MGAM: variants seen among roughly 807,000 people sequenced by gnomAD.
MGAM encodes the protein alpha-1,4-glucosidase.
A neutral mutation model predicts 358.8 loss-of-function variants in MGAM; 253 were observed. That is an observed-to-expected ratio of 0.71 (90% CI 0.64 to 0.78). The LOEUF is 0.78. MGAM is among the 30% of genes least tolerant of loss of function. The pLI is 0.00. For missense variants in MGAM, 3,080 were observed against 3,432.6 expected (o/e 0.90, Z 2.57); for synonymous variants, 1,105 against 1,227.1 (o/e 0.90, Z 2.08).
intron 42 of MGAM, among the ~76,000 whole-genome samples, chr7:142,067,956 AT>A (rs1812940144): frequency 8.4e-5 from 3 of 35,644 alleles, no homozygotes; most frequent in African/African-American, 2.3e-4. Flanking sequence ...ATATATATAT[AT>A]ATATATAAAT....
Position 142,009,578 on chromosome 7 carries a change from T to G in MGAM, c.327+873T>G, listed in dbSNP as rs566905700. Among the ~76,000 whole-genome samples, 39 of 152,308 alleles carry G rather than the reference T, an allele frequency of 2.6e-4. 1 individual carries two copies. In the South Asian group the frequency reaches 7.5e-3, roughly 29 times the overall value. On this transcript the variant is annotated intron_variant, in intron 3 of 70. Coordinates refer to ENST00000475668, the MANE Select transcript of MGAM (RefSeq NM_001365693.1). ...TGCACTTCAGATACAGCCATAGTAA[T>G]GTTTCTTTGGTGCTTTATTGTAAGA...
rs28412172 is a variant in MGAM, at chr7:142,067,252, C to T, written c.4920-89C>T. ...GATGGCTCAGGGGCAGCTGTATTTC[C>T]GACTTGGATCTGAACTTGAGGAGCT... is the stretch of plus-strand genomic sequence containing the variant. On this transcript the variant is annotated intron_variant, in intron 41 of 70. Coordinates refer to ENST00000475668, the MANE Select transcript of MGAM (RefSeq NM_001365693.1). 1.6e-3 allele frequency: 1,778 copies of T among 1,084,180 alleles called. 109 individuals carry two copies. In the African/African-American group the frequency reaches 0.019, roughly 12 times the overall value. The allele number at this position is 1,084,180 out of a possible 1,614,324, so 67.2% of individuals were successfully genotyped here. A position where few individuals can be genotyped will look rare whatever the true frequency, so the allele number is the denominator to read the frequency against.
At position 142,070,990 on chromosome 7, in the gene MGAM, C is replaced by G. The variant is rs374658095; in HGVS notation, c.5062-4C>G. On this transcript the variant is annotated splice_polypyrimidine_tract_variant and splice_region_variant and intron_variant, in intron 43 of 70. Transcript: ENST00000475668. ...CATCATCTTTTACCTTCTTCTGCCC[C>G]CAGGGTGTGGATATTAATGCAAGAG... The G allele has an allele frequency of 2.6e-6, 4 of 1,555,990 alleles. 1 individual carries two copies. In the Admixed American group the frequency reaches 5.1e-5, roughly 20 times the overall value.
rs1810518504 is a variant in MGAM at position 142,047,712 on chromosome 7, T to C, written c.2499-73T>C. On this transcript the variant is annotated intron_variant, in intron 21 of 70. Coordinates refer to ENST00000475668, the MANE Select transcript of MGAM (RefSeq NM_001365693.1). The stretch of plus-strand genomic sequence containing the variant: ...GTAACTTTTCCAATTTGAAATTTGA[T>C]GGAAATATTCTCAGCTCGGCTGGCA... 6 of 1,386,596 alleles carry C rather than the reference T, an allele frequency of 4.3e-6. No individual in the cohort carries two copies. The East Asian group carries it at 1.2e-4, about 27-fold the overall frequency. The allele number at this position is 1,386,596 out of a possible 1,614,324, so 85.9% of individuals were successfully genotyped here.
chr7:142,060,852 C>T (rs1812112861), intron 34 of MGAM, among the ~76,000 whole-genome samples: 1 of 152,056 alleles, frequency 6.6e-6, no homozygotes, highest in Non-Finnish European at 1.5e-5. Context: ...GTGTCTCCAT[C>T]TTCATACTTA....
At chr7:142,054,238 G>A (rs1361137943) in intron 26 of MGAM, among the ~76,000 whole-genome samples, 2 of 152,170 alleles carry the variant, frequency 1.3e-5, no homozygotes, top group South Asian at 2.1e-4. Flanking sequence ...TTATTCGCAT[G>A]TGAATTTCGT....
chr7:142,066,989 C>T (rs1315121765), intron 41 of MGAM, among the ~76,000 whole-genome samples: 1 of 146,114 alleles, frequency 6.8e-6, no homozygotes, highest in Admixed American at 6.9e-5. Flanking sequence ...GTGCAAAGGC[C>T]TATCTTATGT....
intron 28 of MGAM, 69 bp downstream of exon 28, chr7:142,055,795 C>T (rs1237294079): frequency 6.9e-6 from 11 of 1,595,240 alleles, no homozygotes; most frequent in Non-Finnish European, 9.4e-6. Flanking sequence ...CTTTGGGCTT[C>T]ATCTTCCCAA....
chr7:142,059,390 C>T (rs1811872812), intron 31 of MGAM, 82 bp from the exon 32 acceptor site: 1 of 1,540,266 alleles, frequency 6.5e-7, no homozygotes, highest in African/African-American at 1.4e-5. Flanking sequence ...TGGAATTCCA[C>T]CATGGGTGGT....
rs373533169 is a variant in MGAM, at chr7:142,034,857, A to G, written c.1959+16A>G. On this transcript the variant is annotated intron_variant, in intron 16 of 70. Coordinates refer to ENST00000475668, the MANE Select transcript of MGAM (RefSeq NM_001365693.1). ...CATCCCAATGGTGAGCTGCTACCTC[A>G]AGCTCTCTTATGAACCTGAATTCCC... 22 of 1,603,558 alleles carry G rather than the reference A, an allele frequency of 1.4e-5. No homozygotes were observed. The African/African-American group carries it at 2.5e-4, about 19-fold the overall frequency.
rs1001623928 is a variant in MGAM at position 142,103,303 on chromosome 7, A to T, written c.8048A>T (p.Tyr2683Phe). Residue 2683 changes from tyrosine to phenylalanine, a missense_variant, in exon 70 of 71, where the codon TAC (tyrosine) becomes TTC (phenylalanine). Physicochemically the swap from Tyr to Phe is conservative, Grantham distance 22. Coordinates refer to ENST00000475668, the MANE Select transcript of MGAM (RefSeq NM_001365693.1). ...TMQSHIIFNN[Y>F]ITGTNPLKLG... Reference sequence around the variant, plus strand: ...CAAAGCCATATAATTTTCAACAATTACATCACTGGTACAAATCCTTTGAAA... The same window carrying T: ...CAAAGCCATATAATTTTCAACAATTTCATCACTGGTACAAATCCTTTGAAA... 3 of 1,611,456 alleles carry T rather than the reference A, an allele frequency of 1.9e-6. No individual in the cohort carries two copies. The highest frequency in any genetic ancestry group is 1.3e-5 in the African/African-American group (1 of 74,824).
Position 142,080,938 on chromosome 7 carries a change from A to G in MGAM, c.5995A>G (p.Thr1999Ala), listed in dbSNP as rs778285181. The change falls in exon 50 of 71, where the codon ACT becomes GCT. Residue 1999 changes from threonine to alanine, a missense_variant. Around this residue, in one of 5 missense-constraint regions of MGAM, gnomAD observed 932 missense variants for 1,198.2 expected, o/e 0.78. Coordinates refer to ENST00000475668, the MANE Select transcript of MGAM (RefSeq NM_001365693.1). The stretch of plus-strand genomic sequence containing the variant: ...TGAAATTCGCCGGAAGAGTACAGGC[A>G]CTATAATGTGAGTGGCTTCTAGTGT... Reference protein sequence around the residue: ...GIEIRRKSTGTIIWDSQLLGF... With the variant: ...GIEIRRKSTGAIIWDSQLLGF... The G allele has an allele frequency of 1.9e-6, 3 of 1,553,926 alleles. No homozygotes were observed. The highest frequency in any genetic ancestry group is 2.7e-6 in the Non-Finnish European group (3 of 1,131,232).
chr7:142,031,819 A>G, intron 13 of MGAM, 26 bp downstream of exon 13: 2 of 1,452,942 alleles, frequency 1.4e-6, no homozygotes, highest in Non-Finnish European at 1.9e-6. Flanking sequence ...TTGGATTATT[A>G]GGTGACAAAT....
At chr7:142,070,507 C>A (rs950305341) in intron 43 of MGAM, among the ~76,000 whole-genome samples, 14 of 146,114 alleles carry the variant, frequency 9.6e-5, no homozygotes, top group African/African-American at 3.4e-4. Flanking sequence ...GGACATTTGG[C>A]AATGCCTGGA....
rs1554453251 is a variant in MGAM at position 142,008,557 on chromosome 7, C to T, written c.179C>T (p.Pro60Leu). 5.0e-6 allele frequency: 8 copies of T among 1,612,552 alleles called. No homozygotes were observed. The highest frequency in any genetic ancestry group is 2.7e-5 in the African/African-American group (2 of 74,850). Residue 60 changes from proline to leucine, a missense_variant, in exon 3 of 71, where the codon CCA (proline) becomes CTA (leucine). Pro to Leu is a moderately conservative substitution (Grantham distance 98, BLOSUM62 -3). Coordinates refer to ENST00000475668, the MANE Select transcript of MGAM (RefSeq NM_001365693.1). ...GTPDPGTTGT[P>L]DPGTTGTTHA... ...CCAGATCCTGGGACAACTGGTACCC[C>T]AGATCCTGGAACAACTGGTACCACA...
At position 142,067,957 on chromosome 7, in the gene MGAM, T is replaced by TAA. The variant is rs1160441296; in HGVS notation, c.5004+533_5004+534insAA. 4.1e-3 allele frequency among the ~76,000 whole-genome samples: 146 copies of TAA among 35,476 alleles called. 2 individuals carry two copies. Among genetic ancestry groups the TAA allele is most frequent in the African/African-American group, 0.011 (140 of 12,786 alleles). 23.3% of individuals were successfully genotyped at this position (35,476 alleles called of 152,430 possible). ...TCAAATATATATATATATATATATA[T>TAA]ATATATAAATATATATATATATATA... On this transcript the variant is annotated intron_variant, in intron 42 of 70. Transcript: ENST00000475668.
intron 22 of MGAM, 41 bp downstream of exon 22, chr7:142,047,914 A>T (rs377738295): frequency 2.8e-6 from 4 of 1,452,828 alleles, no homozygotes; most frequent in Non-Finnish European, 3.8e-6. Flanking sequence ...CCCAACCTGC[A>T]CCTGTGACTT....
chr7:142,072,873 T>C (rs1449782913), intron 44 of MGAM, among the ~76,000 whole-genome samples: 1 of 146,578 alleles, frequency 6.8e-6, no homozygotes, highest in Non-Finnish European at 1.5e-5. Context: ...CTGTGGGAAT[T>C]TGCCACATGG....
rs1160311284 is a variant in MGAM, at chr7:142,045,404, TATATATTATATATACCTATAATACATG to T, written c.2499-2339_2499-2313del. On this transcript the variant is annotated intron_variant, in intron 21 of 70. Transcript: ENST00000475668. ...TATCCCTATAATACATGATATATTA[TATATATTATATATACCTATAATACATG>T]ATATATTATATATACCTATAATACA... 1.0e-4 allele frequency among the ~76,000 whole-genome samples: 11 copies of T among 105,456 alleles called. No individual in the cohort carries two copies. In the South Asian group the frequency reaches 2.2e-3, roughly 21 times the overall value. The allele number at this position is 105,456 out of a possible 152,430, so 69.2% of individuals were successfully genotyped here.
Sources: allele counts gnomAD v4.1 joint callset (sites outside exome capture counted in the v4.1 genomes callset), GRCh38; gene constraint gnomAD v4.1.1; regional missense constraint gnomAD v4.1.1; transcripts MANE v1.5; gene names NCBI Gene and HGNC (gene_info 2026-07-23, HGNC 2026-07-21).